MICAL3: variants seen among roughly 807,000 people sequenced by gnomAD.
The protein encoded by MICAL3 is [F-actin]-monooxygenase MICAL3.
A neutral mutation model predicts 207.4 loss-of-function variants in MICAL3; 62 were observed. The ratio of observed to expected loss-of-function variants is 0.30; its 90% CI spans 0.24 to 0.37. The LOEUF is 0.37. Ranked by LOEUF, MICAL3 falls within the 10% of genes least tolerant of loss-of-function variation. The pLI is 1.00. For missense variants in MICAL3, 2,368 were observed against 2,635.6 expected, an observed-to-expected ratio of 0.90 and a Z score of 2.22; for synonymous variants, 1,077 against 1,069.3, an observed-to-expected ratio of 1.01 and a Z score of -0.14.
At chr22:17,976,572 TA>T (rs2146424004) in intron 1 of MICAL3, among the ~76,000 whole-genome samples, 6 of 85,680 alleles carry the variant, frequency 7.0e-5, no homozygotes, top group African/African-American at 3.3e-4. Flanking sequence ...TATATATATA[TA>T]TATATATATA....
Position 17,871,929 on chromosome 22 carries a change from G to T in MICAL3, c.2336C>A (p.Ala779Asp). ...KRVYVMERLS[A>D]EGKFFHRSCF... Reference sequence around the variant, plus strand: ...GCTCCGGTGGAAGAACTTGCCCTCGGCACTCAGCCTCTCCATCACGTAGAC... The same window carrying T: ...GCTCCGGTGGAAGAACTTGCCCTCGTCACTCAGCCTCTCCATCACGTAGAC... The change falls in exon 17 of 32, where the codon GCC becomes GAC. Residue 779 changes from alanine (A) to aspartate (D), a missense_variant. Physicochemically the swap from Ala to Asp is moderately radical, Grantham distance 126. Coordinates refer to ENST00000441493, the MANE Select transcript of MICAL3 (RefSeq NM_015241.3). The T allele has an allele frequency of 6.2e-7, 1 of 1,611,074 alleles. No individual in the cohort carries two copies. The highest frequency in any genetic ancestry group is 1.7e-5 in the Admixed American group (1 of 59,634).
At chr22:17,892,047 G>C (rs1293369216) in intron 11 of MICAL3, among the ~76,000 whole-genome samples, 2 of 152,192 alleles carry the variant, frequency 1.3e-5, no homozygotes, top group African/African-American at 4.8e-5. Context: ...ACACTGGGAA[G>C]AGGAGAGGAG....
At chr22:17,877,121 GGTT>G (rs1928665739) in intron 16 of MICAL3, among the ~76,000 whole-genome samples, 3 of 107,940 alleles carry the variant, frequency 2.8e-5, no homozygotes, top group Non-Finnish European at 5.7e-5. Context: ...AGGTTAGGGA[GGTT>G]ATGGAGGTTA....
intron 3 of MICAL3, among the ~76,000 whole-genome samples, chr22:17,903,490 TG>T (rs1258640453): frequency 2.0e-5 from 3 of 152,192 alleles, no homozygotes; most frequent in Non-Finnish European, 4.4e-5. Context: ...ACAAATCCAC[TG>T]CGTTAATGAC....
chr22:17,864,512 A>G (rs1330150724), intron 19 of MICAL3: 2 of 1,432,762 alleles, frequency 1.4e-6, no homozygotes, highest in Non-Finnish European at 1.8e-6. Flanking sequence ...TGGCCTCACC[A>G]GGGCGGGTGA....
intron 24 of MICAL3, 102 bp downstream of exon 24, chr22:17,821,928 C>T: frequency 2.8e-6 from 4 of 1,440,290 alleles, no homozygotes; most frequent in Non-Finnish European, 3.8e-6. Context: ...TGGTGTGCAC[C>T]ATGGCTCTGC....
Position 17,864,292 on chromosome 22 carries a change from C to T in MICAL3, c.2605+607G>A, listed in dbSNP as rs1222748421. 5 of 1,080,476 alleles carry T rather than the reference C, an allele frequency of 4.6e-6. No homozygotes were observed. In the Admixed American group the frequency reaches 2.3e-4, roughly 51 times the overall value. The allele number at this position is 1,080,476 out of a possible 1,614,324, so 66.9% of individuals were successfully genotyped here. A position where few individuals can be genotyped will look rare whatever the true frequency, so the allele number is the denominator to read the frequency against. On this transcript the variant is annotated intron_variant, in intron 19 of 31. Coordinates refer to ENST00000441493, the MANE Select transcript of MICAL3 (RefSeq NM_015241.3). ...TGAGGGCTTGGACCTCATGACAAGCCCAGTGGCCAAGGGGTCAGGACAGGG... is the reference window on the plus strand; with the variant it reads ...TGAGGGCTTGGACCTCATGACAAGCTCAGTGGCCAAGGGGTCAGGACAGGG...
chr22:17,809,507 G>T (rs2062021203), intron 28 of MICAL3, among the ~76,000 whole-genome samples: 1 of 152,208 alleles, frequency 6.6e-6, no homozygotes, highest in Admixed American at 6.5e-5. Context: ...GGTGGCACAG[G>T]CCTGTAATCC....
intron 17 of MICAL3, among the ~76,000 whole-genome samples, chr22:17,870,636 T>C (rs1028282751): frequency 3.3e-5 from 5 of 152,018 alleles, no homozygotes; most frequent in Admixed American, 6.6e-5. Flanking sequence ...CTCAGCGAGG[T>C]TGGGTGGCTC....
chr22:17,893,112 C>T (rs774745931), intron 11 of MICAL3, among the ~76,000 whole-genome samples: 1 of 152,200 alleles, frequency 6.6e-6, no homozygotes, highest in Non-Finnish European at 1.5e-5. Flanking sequence ...AGCAGCAAAG[C>T]TTGGCCTGGG....
intron 1 of MICAL3, among the ~76,000 whole-genome samples, chr22:17,995,944 C>T (rs1161330136): frequency 1.3e-5 from 2 of 150,442 alleles, no homozygotes; most frequent in Non-Finnish European, 3.0e-5. Context: ...GCAAATTGTT[C>T]GAGCCCAGGA....
intron 19 of MICAL3, among the ~76,000 whole-genome samples, chr22:17,856,737 T>G (rs578234835): frequency 1.6e-4 from 23 of 147,330 alleles, no homozygotes; most frequent in African/African-American, 5.7e-4. Context: ...TTCTCCTGCC[T>G]CAGCCTCCCG....
In MICAL3 at chr22:17,816,677, C is replaced by A; in HGVS notation, c.5445+13G>T. On this transcript the variant is annotated intron_variant, in intron 27 of 31. Coordinates refer to ENST00000441493, the MANE Select transcript of MICAL3 (RefSeq NM_015241.3). ...GCCCCAGGCCCTGTGAAGCCCCCTG[C>A]CTGACTACCCACCTCTCGCCGGGAC... 2 of 1,548,178 alleles carry A rather than the reference C, an allele frequency of 1.3e-6. No individual in the cohort carries two copies. The highest frequency in any genetic ancestry group is 1.7e-6 in the Non-Finnish European group (2 of 1,144,034).
intron 1 of MICAL3, among the ~76,000 whole-genome samples, chr22:18,018,267 T>C (rs1334717907): frequency 6.6e-6 from 1 of 152,226 alleles, no homozygotes; most frequent in African/African-American, 2.4e-5. Context: ...TTGAATTCTA[T>C]TTTTTTGCTA....
chr22:17,839,257 C>CTTTTTT (rs1569088578), intron 20 of MICAL3, among the ~76,000 whole-genome samples: 1 of 88,050 alleles, frequency 1.1e-5, no homozygotes, highest in Non-Finnish European at 2.2e-5. Flanking sequence ...CCGGGCTCTT[C>CTTTTTT]ATTTTTTTTT....
intron 24 of MICAL3, 41 bp from the exon 25 acceptor site, chr22:17,821,550 C>G (rs550750408): frequency 2.7e-5 from 40 of 1,494,406 alleles, no homozygotes; most frequent in Middle Eastern, 1.8e-4. Flanking sequence ...AGGAAGCCCC[C>G]CCATGTGCCA....
chr22:17,970,337 G>C (rs5992136), intron 1 of MICAL3, among the ~76,000 whole-genome samples: 39,411 of 151,338 alleles, frequency 0.26, 5,636 homozygotes, highest in African/African-American at 0.33. Context: ...CTTAGAGGAT[G>C]TTCGTGGTCT....
chr22:17,971,199 C>T (rs1438268454), intron 1 of MICAL3, among the ~76,000 whole-genome samples: 9 of 151,752 alleles, frequency 5.9e-5, no homozygotes, highest in Non-Finnish European at 7.4e-5. Context: ...GGGGGCTGGG[C>T]GCTCATGCCT....
chr22:17,809,443 C>A (rs935961754), intron 28 of MICAL3, among the ~76,000 whole-genome samples: 1 of 152,172 alleles, frequency 6.6e-6, no homozygotes, highest in African/African-American at 2.4e-5. Flanking sequence ...AGACCCTCCT[C>A]GCTAGCATGG....
Sources: allele counts gnomAD v4.1 joint callset (sites outside exome capture counted in the v4.1 genomes callset), GRCh38; gene constraint gnomAD v4.1.1; transcripts MANE v1.5; gene names NCBI Gene and HGNC (gene_info 2026-07-23, HGNC 2026-07-21).